Variants in UBR1 observed in about 807,000 individuals in gnomAD.
UBR1 encodes E3 ubiquitin-protein ligase UBR1.
UBR1 carries 102 observed loss-of-function variants against 242.1 expected under a neutral mutation model. The observed-to-expected ratio is 0.42, with a 90% CI of 0.36 to 0.50. UBR1 has a LOEUF of 0.50. Ranked by LOEUF, UBR1 falls within the 20% of genes least tolerant of loss-of-function variation. UBR1 has a pLI of 0.01. For missense variants in UBR1, 1,772 were observed against 2,101.8 expected (o/e 0.84, Z 3.07); for synonymous variants, 675 against 684.8 (o/e 0.99, Z 0.22).
At chr15:43,064,078 C>A (rs183392840) in intron 6 of UBR1, among the ~76,000 whole-genome samples, 3 of 152,200 alleles carry the variant, frequency 2.0e-5, no homozygotes, top group Non-Finnish European at 2.9e-5. Context: ...GAGAATACTC[C>A]TTTGAAGGTA....
chr15:43,077,077 G>A (rs1459260312), intron 3 of UBR1, among the ~76,000 whole-genome samples: 3 of 113,488 alleles, frequency 2.6e-5, no homozygotes. Flanking sequence ...GGAGGTGAGG[G>A]GCGCTTCTGC....
At chr15:43,014,653 T>G (rs1413923981) in intron 29 of UBR1, among the ~76,000 whole-genome samples, 1 of 141,968 alleles carries the variant, frequency 7.0e-6, no homozygotes, top group South Asian at 2.3e-4. Context: ...CAGCCGCCCC[T>G]TCTAAGAAGT....
chr15:42,995,519 T>C (rs2032624076), intron 33 of UBR1, among the ~76,000 whole-genome samples: 1 of 148,812 alleles, frequency 6.7e-6, no homozygotes, highest in African/African-American at 2.5e-5. Context: ...AAAAAAAAAA[T>C]TAGCTGGGCG....
chr15:42,964,374 CAGG>C (rs1398360527), intron 41 of UBR1, among the ~76,000 whole-genome samples: 2 of 152,094 alleles, frequency 1.3e-5, no homozygotes, highest in Non-Finnish European at 2.9e-5. Flanking sequence ...GAGGCTGAGG[CAGG>C]AGAATTGCTT....
rs192245646 is a variant in UBR1 at position 43,053,537 on chromosome 15, T to G, written c.1439+1205A>C. 2.6e-5 allele frequency among the ~76,000 whole-genome samples: 4 copies of G among 152,346 alleles called. No homozygotes were observed. The East Asian group carries it at 7.7e-4, about 29-fold the overall frequency. The stretch of plus-strand genomic sequence containing the variant: ...CAATGGCTATATATTGATTCACTAC[T>G]GAATTTACCTACCATCTCCACTTAT... On this transcript the variant is annotated intron_variant, in intron 12 of 46. Coordinates refer to ENST00000290650, the MANE Select transcript of UBR1 (RefSeq NM_174916.3).
intron 46 of UBR1, among the ~76,000 whole-genome samples, chr15:42,947,307 G>A (rs2031754027): frequency 6.6e-6 from 1 of 152,174 alleles, no homozygotes; most frequent in Non-Finnish European, 1.5e-5. Context: ...GATGGCTGGT[G>A]TCTTTAAAAA....
intron 40 of UBR1, among the ~76,000 whole-genome samples, chr15:42,969,497 C>T (rs1314284849): frequency 1.3e-5 from 2 of 152,126 alleles, no homozygotes; most frequent in Non-Finnish European, 1.5e-5. Flanking sequence ...GTTTCTTTTG[C>T]TGTGCAGAGG....
intron 15 of UBR1, 113 bp from the exon 16 acceptor site, chr15:43,038,345 A>C: frequency 1.4e-5 from 14 of 996,674 alleles, no homozygotes; most frequent in Non-Finnish European, 1.9e-5. Flanking sequence ...GCGGTGGCTC[A>C]TGCCTGTAAT....
intron 44 of UBR1, 26 bp downstream of exon 44, chr15:42,957,987 C>T (rs1270396278): frequency 3.8e-6 from 6 of 1,571,532 alleles, no homozygotes; most frequent in Non-Finnish European, 5.2e-6. Context: ...TAAAATTACA[C>T]ACATATATAT....
chr15:43,092,582 T>G (rs2034116784), intron 1 of UBR1, among the ~76,000 whole-genome samples: 1 of 152,084 alleles, frequency 6.6e-6, no homozygotes, highest in African/African-American at 2.4e-5. Flanking sequence ...TAAGACAGAG[T>G]CTTGCTCTGT....
rs1037577785 is a variant in UBR1, at chr15:43,021,476, T to C, written c.2840-101A>G. On this transcript the variant is annotated intron_variant, in intron 26 of 46. Coordinates refer to ENST00000290650, the MANE Select transcript of UBR1 (RefSeq NM_174916.3). ...GACCCCTGTGGACATCAAAGTCCAC[T>C]AATGCTCAATTCCCTTATGTAAAAT... is the stretch of plus-strand genomic sequence containing the variant. The C allele has an allele frequency of 3.6e-5, 35 of 967,910 alleles. No homozygotes were observed. The African/African-American group carries it at 5.3e-4, about 15-fold the overall frequency. 60.0% of individuals were successfully genotyped at this position (967,910 alleles called of 1,614,324 possible). A position where few individuals can be genotyped will look rare whatever the true frequency, so the allele number is the denominator to read the frequency against.
At chr15:43,020,473 T>C (rs2033095107) in intron 27 of UBR1, among the ~76,000 whole-genome samples, 1 of 152,250 alleles carries the variant, frequency 6.6e-6, no homozygotes, top group African/African-American at 2.4e-5. Context: ...GCCTAGGTCA[T>C]GCTTATTTCA....
At chr15:43,068,591 G>C (rs964695609) in intron 5 of UBR1, among the ~76,000 whole-genome samples, 5 of 151,650 alleles carry the variant, frequency 3.3e-5, no homozygotes, top group Non-Finnish European at 7.4e-5. Flanking sequence ...ACTTTCAAAA[G>C]TCTCAGTTCA....
chr15:42,986,506 T>C (rs1322700447), intron 35 of UBR1, among the ~76,000 whole-genome samples: 1 of 152,194 alleles, frequency 6.6e-6, no homozygotes, highest in Non-Finnish European at 1.5e-5. Flanking sequence ...CCCAAAATAG[T>C]AAAGTGTGAA....
At chr15:43,054,653 C>G in intron 12 of UBR1, 89 bp downstream of exon 12, 6 of 1,469,978 alleles carry the variant, frequency 4.1e-6, no homozygotes, top group Non-Finnish European at 5.7e-6. Context: ...TCTGGATAAC[C>G]AAAATGATCA....
chr15:43,067,868 A>G (rs2033773428), intron 6 of UBR1, 30 bp downstream of exon 6: 1 of 1,613,798 alleles, frequency 6.2e-7, no homozygotes, highest in African/African-American at 1.3e-5. Flanking sequence ...GACAGAAAAC[A>G]GAAACGCAAT....
In UBR1 at chr15:43,071,116, G is replaced by C. The variant is rs138074651; in HGVS notation, c.529-191C>G. Among the ~76,000 whole-genome samples the C allele has an allele frequency of 4.8e-3, 727 of 152,268 alleles. 6 individuals are homozygous for C. Among genetic ancestry groups the C allele is most frequent in the African/African-American group, 0.017 (698 of 41,528 alleles). ...TAGCTTAACCCCTTGTGGCCAAGTT[G>C]GTGTTACTGATGACAGAAAGGAGGC... On this transcript the variant is annotated intron_variant, in intron 4 of 46. Transcript: ENST00000290650.
At chr15:43,017,794 A>G (rs1299509383) in intron 27 of UBR1, among the ~76,000 whole-genome samples, 1 of 151,062 alleles carries the variant, frequency 6.6e-6, no homozygotes, top group Non-Finnish European at 1.5e-5. Context: ...TGGGTGACAG[A>G]GCGAGACCCT....
In UBR1 at chr15:43,007,088, G is replaced by A. The variant is rs752401371; in HGVS notation, c.3406C>T (p.Leu1136Phe). ...LTQHRGKPIELSGEALDPLFM... is the reference protein window; with the variant it reads ...LTQHRGKPIEFSGEALDPLFM... Reference sequence around the variant, plus strand: ...ATTAAATAATACATACCTCCTGAGAGTTCTATGGGTTTTCCCCTGTGCTGG... The same window carrying A: ...ATTAAATAATACATACCTCCTGAGAATTCTATGGGTTTTCCCCTGTGCTGG... Residue 1136 changes from leucine (L) to phenylalanine (F), a missense_variant, in exon 30 of 47, where the codon CTC becomes TTC. Transcript: ENST00000290650. 6.2e-7 allele frequency: 1 copy of A among 1,614,062 alleles called. No individual in the cohort carries two copies. The highest frequency in any genetic ancestry group is 1.3e-5 in the African/African-American group (1 of 75,004).
Sources: allele counts gnomAD v4.1 joint callset (sites outside exome capture counted in the v4.1 genomes callset), GRCh38; gene constraint gnomAD v4.1.1; transcripts MANE v1.5; gene names NCBI Gene and HGNC (gene_info 2026-07-23, HGNC 2026-07-21).